ANKRD6: variants seen among roughly 807,000 people sequenced by gnomAD.
ANKRD6 encodes the protein ankyrin repeat domain 6.
ANKRD6 carries 56 observed loss-of-function variants against 82.3 expected under a neutral mutation model. That is an observed-to-expected ratio of 0.68 (90% confidence interval 0.55 to 0.85). The LOEUF (loss-of-function observed/expected upper bound fraction) is 0.85, where lower values mean the gene tolerates loss of function less well. Among genes scored for constraint, ANKRD6 ranks in the 40% least tolerant of loss-of-function variants. The pLI, the probability that ANKRD6 is intolerant of heterozygous loss-of-function variation, is 0.00. For missense variants in ANKRD6, 852 were observed against 907.6 expected (o/e 0.94, Z 0.79); for synonymous variants, 347 against 352.1 (o/e 0.99, Z 0.16).
intron 1 of ANKRD6, among the ~76,000 whole-genome samples, chr6:89,494,749 C>T (rs563882866): frequency 6.6e-6 from 1 of 152,262 alleles, no homozygotes; most frequent in East Asian, 1.9e-4. Context: ...CTTTCCAGCC[C>T]CCTGGAAAGT....
At chr6:89,617,703 T>C (rs561515386) in intron 8 of ANKRD6, among the ~76,000 whole-genome samples, 4 of 152,354 alleles carry the variant, frequency 2.6e-5, no homozygotes, top group African/African-American at 9.6e-5. Context: ...TCTTGCCCCC[T>C]TGGTCTGCCC....
intron 2 of ANKRD6, among the ~76,000 whole-genome samples, chr6:89,577,133 C>T (rs1791295163): frequency 6.6e-6 from 1 of 151,868 alleles, no homozygotes; most frequent in African/African-American, 2.4e-5. Flanking sequence ...CCTCCTGAGG[C>T]CTGGTCCTCT....
chr6:89,459,148 G>C (rs546450137), intron 1 of ANKRD6, among the ~76,000 whole-genome samples: 5 of 152,030 alleles, frequency 3.3e-5, no homozygotes, highest in Non-Finnish European at 5.9e-5. Context: ...ATGTGATCTC[G>C]GCTCACTGCA....
chr6:89,565,518 A>T (rs1788317364), intron 1 of ANKRD6, among the ~76,000 whole-genome samples: 1 of 152,214 alleles, frequency 6.6e-6, no homozygotes, highest in Admixed American at 6.5e-5. Context: ...TGGGAGATAA[A>T]TGTTCTCATG....
At chr6:89,471,047 G>T (rs1204279957) in intron 1 of ANKRD6, among the ~76,000 whole-genome samples, 1 of 152,026 alleles carries the variant, frequency 6.6e-6, no homozygotes, top group Non-Finnish European at 1.5e-5. Context: ...CTGTGTGTGT[G>T]TGCACGTGCA....
At chr6:89,506,464 G>T (rs1779876328) in intron 1 of ANKRD6, among the ~76,000 whole-genome samples, 1 of 152,070 alleles carries the variant, frequency 6.6e-6, no homozygotes, top group Non-Finnish European at 1.5e-5. Flanking sequence ...ACAGGCGTGT[G>T]TTACCGTGCC....
intron 1 of ANKRD6, among the ~76,000 whole-genome samples, chr6:89,447,192 C>CT (rs1270301662): frequency 1.3e-5 from 2 of 152,024 alleles, no homozygotes; most frequent in African/African-American, 4.8e-5. Context: ...GAGGTTGAGG[C>CT]TGCAGTGAGC....
intron 1 of ANKRD6, among the ~76,000 whole-genome samples, chr6:89,451,870 GACATTT>G (rs985862985): frequency 1.3e-5 from 2 of 152,122 alleles, no homozygotes; most frequent in Non-Finnish European, 2.9e-5. Flanking sequence ...TAATGTCAGG[GACATTT>G]ACTTTAAGAG....
intron 1 of ANKRD6, among the ~76,000 whole-genome samples, chr6:89,452,959 T>C (rs1386346881): frequency 1.3e-5 from 2 of 152,174 alleles, no homozygotes; most frequent in Non-Finnish European, 2.9e-5. Context: ...TTCAGACTGG[T>C]CCTCATGAAC....
chr6:89,448,682 A>G (rs1772401093), intron 1 of ANKRD6, among the ~76,000 whole-genome samples: 2 of 152,144 alleles, frequency 1.3e-5, no homozygotes. Context: ...TACTAAACAC[A>G]ACATCCATTC....
At chr6:89,484,096 T>C (rs1415203066) in intron 1 of ANKRD6, among the ~76,000 whole-genome samples, 1 of 152,146 alleles carries the variant, frequency 6.6e-6, no homozygotes, top group Non-Finnish European at 1.5e-5. Context: ...TTAGTAGAGA[T>C]GAGGTTTTAC....
chr6:89,528,492 A>C (rs1455741925), intron 1 of ANKRD6, among the ~76,000 whole-genome samples: 1 of 152,212 alleles, frequency 6.6e-6, no homozygotes, highest in African/African-American at 2.4e-5. Context: ...GTTTCCACCA[A>C]AAAGTAAGTT....
chr6:89,496,358 T>C (rs1778620723), intron 1 of ANKRD6, among the ~76,000 whole-genome samples: 1 of 152,134 alleles, frequency 6.6e-6, no homozygotes, highest in South Asian at 2.1e-4. Context: ...GCTGGGATCC[T>C]GTTGATAACA....
chr6:89,613,373 T>C (rs1800720534), intron 6 of ANKRD6, among the ~76,000 whole-genome samples: 1 of 152,176 alleles, frequency 6.6e-6, no homozygotes, highest in Non-Finnish European at 1.5e-5. Context: ...CCATGAGGGA[T>C]CTATGCTGGG....
intron 1 of ANKRD6, among the ~76,000 whole-genome samples, chr6:89,566,604 T>A (rs983133492): frequency 3.3e-5 from 5 of 152,210 alleles, no homozygotes; most frequent in African/African-American, 1.2e-4. Context: ...CCGGAGGATG[T>A]CCCTGATAGG....
At position 89,433,663 on chromosome 6, in the gene ANKRD6, G is replaced by A. The variant is rs1039523027; in HGVS notation, c.-144+288G>A. Among the ~76,000 whole-genome samples the A allele has an allele frequency of 1.3e-5, 2 of 152,148 alleles. No homozygotes were observed. The highest frequency in any genetic ancestry group is 2.9e-5 in the Non-Finnish European group (2 of 68,020). On this transcript the variant is annotated intron_variant, in intron 1 of 15. Transcript: ENST00000339746. The surrounding 1 kb of genome is among the most constrained non-coding windows in gnomAD (Gnocchi z 4.3). ...GAGGGAGGTGGAGAACTTTCTTCTGGGGCTCGTCCCTCGTTCTCCTGCTCG... is the reference window on the plus strand; with the variant it reads ...GAGGGAGGTGGAGAACTTTCTTCTGAGGCTCGTCCCTCGTTCTCCTGCTCG...
At position 89,616,475 on chromosome 6, in the gene ANKRD6, G is replaced by A. The variant is rs767714260; in HGVS notation, c.616-84G>A. On this transcript the variant is annotated intron_variant, in intron 7 of 15. Transcript: ENST00000339746. ...GCAAATCTCAGTTTGACTTTGAAGAGCCACACCTAGGCCAGGTAATGAAAA... is the reference window on the plus strand; with the variant it reads ...GCAAATCTCAGTTTGACTTTGAAGAACCACACCTAGGCCAGGTAATGAAAA... 1.2e-4 allele frequency: 152 copies of A among 1,300,642 alleles called. No homozygotes were observed. In the Middle Eastern group the frequency reaches 1.6e-3, roughly 14 times the overall value. 80.6% of individuals were successfully genotyped at this position (1,300,642 alleles called of 1,614,324 possible).
rs201654033 is a variant in ANKRD6, at chr6:89,612,361, C to A, written c.507C>A (p.Leu169=). Residue 169 remains leucine (L), a synonymous_variant, in exon 6 of 16, where the codon CTC becomes CTA. Coordinates refer to ENST00000339746, the MANE Select transcript of ANKRD6 (RefSeq NM_001242809.2). The stretch of plus-strand genomic sequence containing the variant: ...TGCTGGCCGGGTCCCGCGCTGACCT[C>A]AAAAATAATGTGGGTGAACAAAACC... ...VLLLAGSRAD[L]KNNAGDTCLH... The A allele has an allele frequency of 3.9e-4, 604 of 1,554,606 alleles. No individual in the cohort carries two copies. The highest frequency in any genetic ancestry group is 4.8e-4 in the Non-Finnish European group (553 of 1,147,630).
Position 89,629,182 on chromosome 6 carries a change from G to GA in ANKRD6, c.1557dup (p.Asp520ArgfsTer3). The stretch of plus-strand genomic sequence containing the variant: ...CAGAATCTGGAGCAGAAGCTTTCTG[G>GA]AGATTCTAGGGCCTGCAGAGCTAAA... On this transcript the variant is annotated frameshift_variant, in exon 15 of 16. Transcript: ENST00000339746. LOFTEE classifies it high-confidence loss of function. The GA allele has an allele frequency of 1.2e-6, 2 of 1,613,802 alleles. No individual in the cohort carries two copies. Among genetic ancestry groups the GA allele is most frequent in the Non-Finnish European group, 1.7e-6 (2 of 1,179,812 alleles).
Sources: allele counts gnomAD v4.1 joint callset (sites outside exome capture counted in the v4.1 genomes callset), GRCh38; gene constraint gnomAD v4.1.1; non-coding constraint Gnocchi (gnomAD v3.1); transcripts MANE v1.5; gene names NCBI Gene and HGNC (gene_info 2026-07-23, HGNC 2026-07-21).